Variants in TBC1D19 observed in about 807,000 individuals in gnomAD.
TBC1D19 encodes TBC1 domain family, member 19.
Under a neutral mutation model 89.0 loss-of-function variants are expected in TBC1D19, and 60 were observed. The ratio of observed to expected loss-of-function variants is 0.67; its 90% CI spans 0.55 to 0.84. TBC1D19 has a LOEUF of 0.84. Ranked by LOEUF, TBC1D19 falls within the 40% of genes least tolerant of loss-of-function variation. The pLI is 0.00. For synonymous variants in TBC1D19, 189 were observed against 199.7 expected (o/e 0.95, Z 0.45); for missense variants, 500 against 610.8 (o/e 0.82, Z 1.91).
At chr4:26,805,460 A>T in the TBC1D19 span, among the ~76,000 whole-genome samples, 1 of 152,200 alleles carries the variant, frequency 6.6e-6, no homozygotes, top group Non-Finnish European at 1.5e-5. Context: ...TAACAGTCTT[A>T]GTCCTTGACT....
chr4:26,815,094 C>T, the TBC1D19 span, among the ~76,000 whole-genome samples: 1 of 151,894 alleles, frequency 6.6e-6, no homozygotes, highest in Non-Finnish European at 1.5e-5. Context: ...TTAATAACAA[C>T]TATATCACTC....
the TBC1D19 span, among the ~76,000 whole-genome samples, chr4:26,806,955 G>A: frequency 1.3e-5 from 2 of 152,194 alleles, no homozygotes; most frequent in African/African-American, 4.8e-5. Context: ...AACCGTGAGG[G>A]AATAAATGTC....
chr4:26,787,191 A>G, the TBC1D19 span, among the ~76,000 whole-genome samples: 1 of 148,244 alleles, frequency 6.7e-6, no homozygotes, highest in Non-Finnish European at 1.5e-5. Context: ...CAACCCCTGC[A>G]TACTGAGCTC....
chr4:26,751,334 A>G (rs950886913), intron 19 of TBC1D19, among the ~76,000 whole-genome samples: 5 of 152,178 alleles, frequency 3.3e-5, no homozygotes, highest in African/African-American at 1.2e-4. Flanking sequence ...GGAGCAGAAA[A>G]TTTGGCCAGA....
At chr4:26,634,458 T>C (rs1368078740) in intron 4 of TBC1D19, among the ~76,000 whole-genome samples, 1 of 151,760 alleles carries the variant, frequency 6.6e-6, no homozygotes, top group African/African-American at 2.4e-5. Context: ...TCACCCAGGG[T>C]TTCAAGCAGA....
At chr4:26,732,463 A>C (rs1297911341) in intron 15 of TBC1D19, among the ~76,000 whole-genome samples, 1 of 152,146 alleles carries the variant, frequency 6.6e-6, no homozygotes, top group Non-Finnish European at 1.5e-5. Flanking sequence ...TCCCTAATCA[A>C]ATGGCAGCTA....
At chr4:26,653,311 G>C (rs774542868) in intron 7 of TBC1D19, among the ~76,000 whole-genome samples, 3 of 152,190 alleles carry the variant, frequency 2.0e-5, no homozygotes, top group Non-Finnish European at 2.9e-5. Context: ...TTTGAAATAA[G>C]TGCGATGTGG....
chr4:26,726,914 T>C (rs948832805), intron 15 of TBC1D19, among the ~76,000 whole-genome samples: 5 of 152,230 alleles, frequency 3.3e-5, no homozygotes, highest in African/African-American at 1.2e-4. Context: ...CAAGATTTAT[T>C]TTAGTTAACG....
chr4:26,584,451 A>AAAAAC (rs984831260), intron 1 of TBC1D19, among the ~76,000 whole-genome samples, 159 bp downstream of exon 1: 6 of 134,018 alleles, frequency 4.5e-5, no homozygotes, highest in Non-Finnish European at 8.5e-5. Context: ...AAACAAAAAC[A>AAAAAC]AAAACAAAAC....
the TBC1D19 span, among the ~76,000 whole-genome samples, chr4:26,776,278 A>G: frequency 1.3e-5 from 2 of 151,942 alleles, no homozygotes; most frequent in African/African-American, 2.4e-5. Flanking sequence ...AAGCTTTCAT[A>G]TATATATAAT....
At chr4:26,593,209 G>C (rs1016875729) in intron 1 of TBC1D19, among the ~76,000 whole-genome samples, 186 of 152,218 alleles carry the variant, frequency 1.2e-3, no homozygotes, top group Middle Eastern at 3.4e-3. Context: ...TCTGATCTTT[G>C]ACAAACCTGA....
chr4:26,842,592 CTTTCTTT>C, the TBC1D19 span, among the ~76,000 whole-genome samples: 7 of 99,236 alleles, frequency 7.1e-5, no homozygotes, highest in African/African-American at 2.9e-4. Flanking sequence ...CCCTTTCTTT[CTTTCTTT>C]CTTTCTTTCT....
At chr4:26,765,436 A>G in the TBC1D19 span, among the ~76,000 whole-genome samples, 2 of 147,506 alleles carry the variant, frequency 1.4e-5, no homozygotes, top group Non-Finnish European at 3.0e-5. Context: ...GGGGCTGGGA[A>G]TTCCAAAGAG....
intron 18 of TBC1D19, among the ~76,000 whole-genome samples, chr4:26,744,091 G>T (rs913898808): frequency 6.6e-6 from 1 of 151,414 alleles, no homozygotes; most frequent in Non-Finnish European, 1.5e-5. Context: ...GACTACTTGG[G>T]TTATCTATTT....
upstream of TBC1D19, among the ~76,000 whole-genome samples, chr4:26,583,205 G>C (rs954817901): frequency 3.9e-5 from 6 of 151,980 alleles, no homozygotes; most frequent in African/African-American, 1.2e-4. Flanking sequence ...GCCTTTTTTG[G>C]GGGGGGAAGG....
At chr4:26,819,686 C>T in the TBC1D19 span, among the ~76,000 whole-genome samples, 3 of 152,162 alleles carry the variant, frequency 2.0e-5, no homozygotes, top group South Asian at 4.1e-4. Flanking sequence ...CTTCTGCCTC[C>T]AGGGGCTTCC....
At chr4:26,576,952 A>G in intron 1 of TBC1D19, 2 of 419,712 alleles carry the variant, frequency 4.8e-6, no homozygotes, top group South Asian at 3.4e-5. Context: ...CTATAAAGGT[A>G]TTTTTGTAGA....
In TBC1D19 at chr4:26,717,833, G is replaced by A. The variant is rs1325070473; in HGVS notation, c.955-100G>A. On this transcript the variant is annotated intron_variant, in intron 13 of 20. Coordinates refer to ENST00000264866, the MANE Select transcript of TBC1D19 (RefSeq NM_018317.4). Reference sequence around the variant, plus strand: ...GGGCATTCTTCCCACCGCAAGGCACGGTACTTGAACTTGAAGGATGCCTCC... The same window carrying A: ...GGGCATTCTTCCCACCGCAAGGCACAGTACTTGAACTTGAAGGATGCCTCC... 8.9e-6 allele frequency: 8 copies of A among 903,616 alleles called. 1 individual carries two copies. The highest frequency in any genetic ancestry group is 1.7e-5 in the African/African-American group (1 of 60,542). 56.0% of individuals were successfully genotyped at this position (903,616 alleles called of 1,614,324 possible). A position where few individuals can be genotyped will look rare whatever the true frequency, so the allele number is the denominator to read the frequency against.
At chr4:26,846,355 G>C in the TBC1D19 span, among the ~76,000 whole-genome samples, 2 of 151,932 alleles carry the variant, frequency 1.3e-5, no homozygotes, top group Non-Finnish European at 2.9e-5. Flanking sequence ...GTCTTAATTG[G>C]CACTTCATTA....
Sources: allele counts gnomAD v4.1 joint callset (sites outside exome capture counted in the v4.1 genomes callset), GRCh38; gene constraint gnomAD v4.1.1; transcripts MANE v1.5; gene names NCBI Gene and HGNC (gene_info 2026-07-23, HGNC 2026-07-21).